Variants in OR2L13 observed in about 807,000 individuals in gnomAD.
The protein encoded by OR2L13 is olfactory receptor family 2 subfamily L member 13.
Under a neutral mutation model 15.3 loss-of-function variants are expected in OR2L13, and 14 were observed. The ratio of observed to expected loss-of-function variants is 0.91; its 90% CI spans 0.60 to 1.43. The LOEUF (loss-of-function observed/expected upper bound fraction) is 1.43. Ranked by LOEUF, OR2L13 falls within the 40% of genes most tolerant of loss-of-function variation. The pLI is 0.00. For synonymous variants in OR2L13, 152 were observed against 142.9 expected (o/e 1.06, Z -0.45); for missense variants, 367 against 387.9 (o/e 0.95, Z 0.45).
At chr1:248,021,906 T>C in the OR2L13 span, 17 of 1,518,928 alleles carry the variant, frequency 1.1e-5, no homozygotes, top group African/African-American at 1.4e-5. Context: ...GTACTTGACT[T>C]ACCCTTGTGT....
chr1:247,952,968 A>G, the OR2L13 span, among the ~76,000 whole-genome samples: 7 of 152,186 alleles, frequency 4.6e-5, no homozygotes, highest in Non-Finnish European at 8.8e-5. Flanking sequence ...TGTAGAGGCA[A>G]TGGTAATCCT....
At chr1:248,073,404 C>T in the OR2L13 span, among the ~76,000 whole-genome samples, 3 of 151,796 alleles carry the variant, frequency 2.0e-5, no homozygotes, top group Admixed American at 2.0e-4. Flanking sequence ...CATGTTCTCA[C>T]TCAAAGGTGG....
At chr1:247,997,274 G>A in the OR2L13 span, among the ~76,000 whole-genome samples, 3 of 152,008 alleles carry the variant, frequency 2.0e-5, no homozygotes, top group Non-Finnish European at 4.4e-5. Context: ...AGAAATTAGA[G>A]AACACTTAAA....
At chr1:248,020,122 C>T in the OR2L13 span, among the ~76,000 whole-genome samples, 2 of 152,068 alleles carry the variant, frequency 1.3e-5, no homozygotes, top group African/African-American at 4.8e-5. Flanking sequence ...GGCTTTATAC[C>T]AATGCCATAC....
At chr1:247,993,277 A>G in the OR2L13 span, among the ~76,000 whole-genome samples, 1 of 149,262 alleles carries the variant, frequency 6.7e-6, no homozygotes. Flanking sequence ...TGGACATTTA[A>G]TCTTTGTCAG....
the OR2L13 span, chr1:248,004,198 G>A: frequency 9.7e-6 from 7 of 722,270 alleles, no homozygotes; most frequent in African/African-American, 1.1e-4. Flanking sequence ...AAAAATCACT[G>A]ATTTCTGGAC....
chr1:248,002,090 T>G, the OR2L13 span, among the ~76,000 whole-genome samples: 1 of 152,322 alleles, frequency 6.6e-6, no homozygotes, highest in Middle Eastern at 3.4e-3. Flanking sequence ...CAAATGACAT[T>G]TATGAAAATA....
the OR2L13 span, among the ~76,000 whole-genome samples, chr1:247,972,117 G>A: frequency 6.6e-6 from 1 of 152,166 alleles, no homozygotes; most frequent in Non-Finnish European, 1.5e-5. Flanking sequence ...CACAGCTAAA[G>A]CGGTGTTTAG....
At chr1:247,941,112 GATTT>G in the OR2L13 span, among the ~76,000 whole-genome samples, 6 of 152,114 alleles carry the variant, frequency 3.9e-5, no homozygotes, top group Admixed American at 3.9e-4. Context: ...TTTGCTTGTT[GATTT>G]ATTTAACTTC....
At chr1:248,007,925 TTAAAG>T in the OR2L13 span, among the ~76,000 whole-genome samples, 3 of 152,174 alleles carry the variant, frequency 2.0e-5, no homozygotes, top group South Asian at 2.1e-4. Context: ...AGTGAAATAA[TTAAAG>T]TAAAGGAATG....
the OR2L13 span, chr1:248,083,896 T>C: frequency 1.2e-6 from 2 of 1,610,888 alleles, no homozygotes; most frequent in Admixed American, 3.3e-5. Context: ...GCGAAGGCCT[T>C]CTTGCGGGCT....
At chr1:248,029,736 G>A in the OR2L13 span, among the ~76,000 whole-genome samples, 2 of 152,130 alleles carry the variant, frequency 1.3e-5, no homozygotes, top group Non-Finnish European at 2.9e-5. Flanking sequence ...ATTAATGTAT[G>A]CAGATTCATT....
the OR2L13 span, among the ~76,000 whole-genome samples, chr1:248,086,550 G>A: frequency 1.3e-5 from 2 of 151,994 alleles, no homozygotes; most frequent in Admixed American, 6.6e-5. Flanking sequence ...TCAGGTATAC[G>A]GAGGTATTGC....
chr1:248,018,461 A>T, the OR2L13 span, among the ~76,000 whole-genome samples: 1 of 152,172 alleles, frequency 6.6e-6, no homozygotes, highest in African/African-American at 2.4e-5. Context: ...CTGATCTCAT[A>T]CTGTTTCCAA....
the OR2L13 span, among the ~76,000 whole-genome samples, chr1:247,996,326 T>C: frequency 1.3e-5 from 2 of 152,246 alleles, no homozygotes; most frequent in East Asian, 1.9e-4. Context: ...CTTTGGGACA[T>C]AGAATGGGAC....
chr1:248,065,259 G>A, the OR2L13 span, among the ~76,000 whole-genome samples: 1,398 of 152,074 alleles, frequency 9.2e-3, 27 homozygotes, highest in African/African-American at 0.032. Context: ...ATGTCCTCAG[G>A]CTAGAAGATG....
the OR2L13 span, among the ~76,000 whole-genome samples, chr1:248,001,148 A>G: frequency 2.0e-5 from 3 of 152,146 alleles, no homozygotes; most frequent in African/African-American, 7.2e-5. Flanking sequence ...GATCTAGAGA[A>G]GTTTACTGAA....
the OR2L13 span, among the ~76,000 whole-genome samples, chr1:248,015,657 G>A: frequency 6.6e-6 from 1 of 152,248 alleles, no homozygotes; most frequent in East Asian, 1.9e-4. Flanking sequence ...AAGCAACCTA[G>A]ATTTTTGCAA....
chr1:248,077,236 C>T, the OR2L13 span, among the ~76,000 whole-genome samples: 22 of 152,286 alleles, frequency 1.4e-4, no homozygotes, highest in Admixed American at 3.3e-4. Flanking sequence ...CTGCTGGATT[C>T]GGTTTGCCAG....
Sources: gnomAD v4.1 joint callset for allele counts (sites outside exome capture counted in the v4.1 genomes callset) on GRCh38, gnomAD v4.1.1 for gene constraint, MANE v1.5 for transcripts, NCBI Gene and HGNC (gene_info 2026-07-23, HGNC 2026-07-21) for gene names.